TMCO6: variants seen among roughly 807,000 people sequenced by gnomAD.
The protein encoded by TMCO6 is transmembrane and coiled-coil domains 6, also known as transmembrane and coiled-coil domain-containing protein 6.
TMCO6 carries 47 observed loss-of-function variants against 61.8 expected under a neutral mutation model. The observed-to-expected ratio is 0.76, with a 90% CI of 0.60 to 0.97. TMCO6 has a LOEUF of 0.97. Among genes scored for constraint, TMCO6 ranks in the 50% least tolerant of loss-of-function variants. TMCO6 has a pLI of 0.00. For missense variants in TMCO6, 557 were observed against 601.6 expected (o/e 0.93, Z 0.78); for synonymous variants, 261 against 254.2 (o/e 1.03, Z -0.25).
At chr5:140,646,074 G>A (rs1326686120), downstream of TMCO6, among the ~76,000 whole-genome samples, 8 of 147,818 alleles carry the variant, frequency 5.4e-5, no homozygotes, top group Admixed American at 3.4e-4. Context: ...GTGGTGGCAC[G>A]ATCTCCACTC....
At position 140,645,049 on chromosome 5, in the gene TMCO6, A is replaced by G. The variant is rs1351772394; in HGVS notation, c.1433A>G (p.Gln478Arg). 12 of 1,614,134 alleles carry G rather than the reference A, an allele frequency of 7.4e-6. No homozygotes were observed. Among genetic ancestry groups the G allele is most frequent in the Non-Finnish European group, 1.0e-5 (12 of 1,180,056 alleles). The change falls in exon 12 of 12, where the codon CAG (glutamine) becomes CGG (arginine). Residue 478 changes from glutamine (Q) to arginine (R), a missense_variant. By Grantham distance (43) the Gln-to-Arg change is conservative. Transcript: ENST00000394671. ...CTGGAAAGGCATCAGGAAGAGGCCC[A>G]GCTCCAGGATCGTGTGTATGCTCTC... The part of the protein sequence containing the change: ...QALERHQEEA[Q>R]LQDRVYALQQ...
chr5:140,641,866 A>G lies in TMCO6; in HGVS notation c.315-4A>G. On this transcript the variant is annotated splice_region_variant and splice_polypyrimidine_tract_variant and intron_variant, in intron 3 of 11. Coordinates refer to ENST00000394671, the MANE Select transcript of TMCO6 (RefSeq NM_018502.5). ...AAGCAGGGCTCTGGTACTCACTCAC[A>G]TAGGCTGGAGGGCAGCATGCGGACC... The G allele has an allele frequency of 6.2e-7, 1 of 1,613,160 alleles. No individual in the cohort carries two copies. Among genetic ancestry groups the G allele is most frequent in the Admixed American group, 1.7e-5 (1 of 60,008 alleles).
the TMCO6 span, among the ~76,000 whole-genome samples, chr5:140,603,297 A>ATTATT: frequency 2.7e-4 from 41 of 151,930 alleles, no homozygotes; most frequent in South Asian, 1.2e-3. Context: ...ATTTTATTTT[A>ATTATT]TTATTTTATT....
chr5:140,647,602 C>A, downstream of TMCO6: 1 of 1,607,030 alleles, frequency 6.2e-7, no homozygotes, highest in South Asian at 1.1e-5. Flanking sequence ...ATATCGAAGT[C>A]GCCAATTCCA....
At chr5:140,633,527 C>T in the TMCO6 span, 12 of 230,192 alleles carry the variant, frequency 5.2e-5, no homozygotes, top group East Asian at 5.8e-4. Context: ...CCCAATCCCC[C>T]TACCTTATAT....
chr5:140,614,738 C>A, the TMCO6 span, among the ~76,000 whole-genome samples: 2 of 151,994 alleles, frequency 1.3e-5, no homozygotes, highest in African/African-American at 4.8e-5. Context: ...CCTCAGCCTC[C>A]CGAGTAGCTG....
chr5:140,633,251 A>C, the TMCO6 span: 1 of 711,200 alleles, frequency 1.4e-6, no homozygotes. Flanking sequence ...AACCCTGATC[A>C]CCTCCCCACC....
rs919253654 is a variant in TMCO6 at position 140,639,741 on chromosome 5, C to T, written c.88C>T (p.Leu30=). The change falls in exon 2 of 12, where the codon CTG becomes TTG. Residue 30 remains leucine (L), a splice_region_variant and synonymous_variant. Transcript: ENST00000394671. ...RRRRREREAA[L]RKARREQQLV... is the part of the protein sequence containing the mutation. ...TCAGCCGGCTCCTCTGCCCCCAGCA[C>T]TGCGGAAGGCGCGGAGGGAGCAGCA... The T allele has an allele frequency of 1.3e-6, 2 of 1,593,096 alleles. No individual in the cohort carries two copies. Among genetic ancestry groups the T allele is most frequent in the Admixed American group, 1.8e-5 (1 of 55,576 alleles).
chr5:140,622,257 G>A, the TMCO6 span, among the ~76,000 whole-genome samples: 2 of 152,202 alleles, frequency 1.3e-5, no homozygotes, highest in Admixed American at 6.5e-5. Flanking sequence ...GCTGGCCGAC[G>A]CTTAAGGAAA....
At position 140,639,473 on chromosome 5, in the gene TMCO6, C is replaced by T; in HGVS notation, c.-55C>T. On this transcript the variant is annotated 5_prime_UTR_variant, in exon 1 of 12. Coordinates refer to ENST00000394671, the MANE Select transcript of TMCO6 (RefSeq NM_018502.5). ...TGCGCAGTCGGTGCCATCTTCTACG[C>T]CCCTGGGAGCGTTGTGGCTGCTGTT... The T allele has an allele frequency of 1.4e-5, 21 of 1,518,506 alleles. No individual in the cohort carries two copies. The highest frequency in any genetic ancestry group is 2.8e-5 in the African/African-American group (2 of 72,548). The allele number at this position is 1,518,506 out of a possible 1,614,324, so 94.1% of individuals were successfully genotyped here. A position where few individuals can be genotyped will look rare whatever the true frequency, so the allele number is the denominator to read the frequency against.
the TMCO6 span, among the ~76,000 whole-genome samples, chr5:140,619,540 G>C: frequency 9.9e-5 from 15 of 152,108 alleles, no homozygotes; most frequent in South Asian, 2.9e-3. Context: ...AGCAGACTTG[G>C]GGGGTATGCC....
chr5:140,597,092 C>T, the TMCO6 span, among the ~76,000 whole-genome samples: 8 of 152,158 alleles, frequency 5.3e-5, no homozygotes, highest in African/African-American at 1.9e-4. Flanking sequence ...ATATCACAGG[C>T]CACCCCCTAG....
In TMCO6 at chr5:140,643,909, T is replaced by C; in HGVS notation, c.1048T>C (p.Phe350Leu). Residue 350 changes from phenylalanine (F) to leucine (L), a missense_variant, in exon 9 of 12, where the codon TTC becomes CTC. Coordinates refer to ENST00000394671, the MANE Select transcript of TMCO6 (RefSeq NM_018502.5). ...CTTATTTATCCTTCTGCAGTTCTTT[T>C]TCCAGAAACAGCCCAGTCTGCTCCC... ...AALFILLQFFFQKQPSLLPEG... is the reference protein window; with the variant it reads ...AALFILLQFFLQKQPSLLPEG... The C allele has an allele frequency of 6.2e-7, 1 of 1,614,216 alleles. No individual in the cohort carries two copies. The highest frequency in any genetic ancestry group is 2.2e-5 in the East Asian group (1 of 44,890).
At chr5:140,641,611 T>C in intron 2 of TMCO6, 54 bp from the exon 3 acceptor site, 1 of 1,514,144 alleles carries the variant, frequency 6.6e-7, no homozygotes, top group Non-Finnish European at 9.1e-7. Context: ...GAGAGAGACT[T>C]AGGACTTGCT....
chr5:140,640,372 T>C (rs1756941983), intron 2 of TMCO6, among the ~76,000 whole-genome samples: 2 of 152,266 alleles, frequency 1.3e-5, no homozygotes, highest in South Asian at 4.1e-4. Context: ...GTTCGTTTCT[T>C]TTGGTATTCT....
chr5:140,600,904 A>G, the TMCO6 span, among the ~76,000 whole-genome samples: 38 of 152,208 alleles, frequency 2.5e-4, no homozygotes, highest in Admixed American at 2.5e-3. Flanking sequence ...TACGAATTTT[A>G]ATCCAAACTT....
At chr5:140,609,389 GC>G in the TMCO6 span, 1 of 250,086 alleles carries the variant, frequency 4.0e-6, no homozygotes, top group South Asian at 4.5e-5. Flanking sequence ...GAAAGCAGCT[GC>G]CCACAAGGAA....
chr5:140,641,722 G>A lies in TMCO6; in HGVS notation c.256G>A (p.Ala86Thr), dbSNP rs1561947489. The A allele has an allele frequency of 6.2e-7, 1 of 1,614,192 alleles. No homozygotes were observed. The highest frequency in any genetic ancestry group is 1.7e-5 in the Admixed American group (1 of 60,030). Residue 86 changes from alanine (A) to threonine (T), a missense_variant, in exon 3 of 12, where the codon GCT becomes ACT. Ala to Thr is a moderately conservative substitution (Grantham distance 58). Transcript: ENST00000394671. ...GACAGAGGAAAAGGAGAGAGAGGGGGCTCTGGTCAGCCTTCGTCGAGGCTT... is the reference window on the plus strand; with the variant it reads ...GACAGAGGAAAAGGAGAGAGAGGGGACTCTGGTCAGCCTTCGTCGAGGCTT... ...RGTEEKEREG[A>T]LVSLRRGLQH...
chr5:140,642,906 G>T lies in TMCO6; in HGVS notation c.690-19G>T. On this transcript the variant is annotated intron_variant, in intron 6 of 11. Coordinates refer to ENST00000394671, the MANE Select transcript of TMCO6 (RefSeq NM_018502.5). ...GGCATCTTCGTGGTTCCTACTTACA[G>T]CCCTGCTTCTGCCAGCAGCTCCATC... is the stretch of plus-strand genomic sequence containing the variant. 6.2e-7 allele frequency: 1 copy of T among 1,614,100 alleles called. No homozygotes were observed. Among genetic ancestry groups the T allele is most frequent in the Non-Finnish European group, 8.5e-7 (1 of 1,180,016 alleles).
Sources: gnomAD v4.1 joint callset for allele counts (sites outside exome capture counted in the v4.1 genomes callset) on GRCh38, gnomAD v4.1.1 for gene constraint, MANE v1.5 for transcripts, NCBI Gene and HGNC (gene_info 2026-07-23, HGNC 2026-07-21) for gene names.